The following TIMP3 variants were observed in gnomAD, a reference collection of about 807,000 sequenced individuals.
TIMP3 encodes TIMP metallopeptidase inhibitor 3, also known as metalloproteinase inhibitor 3.
Under a neutral mutation model 30.0 loss-of-function variants are expected in TIMP3, and 11 were observed. The observed-to-expected ratio is 0.37, with a 90% CI of 0.23 to 0.61. TIMP3 has a LOEUF of 0.61. Among genes scored for constraint, TIMP3 ranks in the 20% least tolerant of loss-of-function variants. TIMP3 has a pLI of 0.70. For missense variants in TIMP3, 181 were observed against 276.8 expected (o/e 0.65, Z 2.45); for synonymous variants, 112 against 111.3 (o/e 1.01, Z -0.04).
chr22:32,832,673 G>GTATTTTATTTTATTTTATTT lies in TIMP3; in HGVS notation c.122-16769_122-16750dup, dbSNP rs564439917. ...CAGAGTCTGGTTTGAAAACCCTCGA[G>GTATTTTATTTTATTTTATTT]TATTTTATTTTATTTTATTTTATTT... On this transcript the variant is annotated intron_variant, in intron 1 of 4. Coordinates refer to ENST00000266085, the MANE Select transcript of TIMP3 (RefSeq NM_000362.5). Among the ~76,000 whole-genome samples, 191 of 151,572 alleles carry GTATTTTATTTTATTTTATTT rather than the reference G, an allele frequency of 1.3e-3. 1 individual carries two copies. The highest frequency in any genetic ancestry group is 4.4e-3 in the African/African-American group (183 of 41,248).
chr22:32,825,750 A>T (rs970221314), intron 1 of TIMP3, among the ~76,000 whole-genome samples: 1 of 144,584 alleles, frequency 6.9e-6, no homozygotes, highest in African/African-American at 2.5e-5. Context: ...ATTTGTACAT[A>T]TGTGCATGTA....
At chr22:32,840,863 T>C (rs146855871) in intron 1 of TIMP3, among the ~76,000 whole-genome samples, 19 of 152,314 alleles carry the variant, frequency 1.2e-4, no homozygotes, top group African/African-American at 4.1e-4. Flanking sequence ...TTGAGTGTCA[T>C]TGCTGGTCTC....
chr22:32,826,268 AAAAT>A (rs1327833013), intron 1 of TIMP3, among the ~76,000 whole-genome samples: 1 of 152,126 alleles, frequency 6.6e-6, no homozygotes, highest in Non-Finnish European at 1.5e-5. Flanking sequence ...ATCTCTACTA[AAAAT>A]ACAAAAAATT....
At chr22:32,840,491 G>A (rs1010703194) in intron 1 of TIMP3, among the ~76,000 whole-genome samples, 7 of 152,112 alleles carry the variant, frequency 4.6e-5, no homozygotes, top group Admixed American at 2.6e-4. Context: ...CAGGCTGCTC[G>A]CCGCTCCCCA....
rs1430410901 is a variant in TIMP3 at position 32,807,347 on chromosome 22, AAATATAT to A, written c.121+5241_121+5247del. Among the ~76,000 whole-genome samples, 12 of 34,124 alleles carry A rather than the reference AAATATAT, an allele frequency of 3.5e-4. No individual in the cohort carries two copies. The East Asian group carries it at 7.0e-3, about 20-fold the overall frequency. 22.4% of individuals were successfully genotyped at this position (34,124 alleles called of 152,430 possible). A position where few individuals can be genotyped will look rare whatever the true frequency, so the allele number is the denominator to read the frequency against. On this transcript the variant is annotated intron_variant, in intron 1 of 4. Coordinates refer to ENST00000266085, the MANE Select transcript of TIMP3 (RefSeq NM_000362.5). Reference sequence around the variant, plus strand: ...AATATATAATTTATATATAATATATAAATATATAATATATAATATATATTATATATAA... The same window carrying A: ...AATATATAATTTATATATAATATATAAATATATAATATATATTATATATAA...
In TIMP3 at chr22:32,811,771, T is replaced by TA. The variant is rs569404050; in HGVS notation, c.121+9650dup. On this transcript the variant is annotated intron_variant, in intron 1 of 4. Coordinates refer to ENST00000266085, the MANE Select transcript of TIMP3 (RefSeq NM_000362.5). ...TTCTGTGGCTTAGCCATATAGCCAATACATGGAATGGGATTGGAACCCATG... is the reference window on the plus strand; with the variant it reads ...TTCTGTGGCTTAGCCATATAGCCAATAACATGGAATGGGATTGGAACCCATG... Among the ~76,000 whole-genome samples the TA allele has an allele frequency of 5.7e-3, 870 of 152,268 alleles. 11 individuals are homozygous for TA. The highest frequency in any genetic ancestry group is 0.018 in the African/African-American group (754 of 41,558).
intron 2 of TIMP3, among the ~76,000 whole-genome samples, chr22:32,852,455 A>G (rs977593319): frequency 2.6e-5 from 4 of 152,166 alleles, no homozygotes; most frequent in African/African-American, 9.7e-5. Flanking sequence ...AGGAGGGAAG[A>G]GAGAGAGGCC....
At position 32,836,191 on chromosome 22, in the gene TIMP3, G is replaced by A. The variant is rs187791714; in HGVS notation, c.122-13261G>A. On this transcript the variant is annotated intron_variant, in intron 1 of 4. Transcript: ENST00000266085. The stretch of plus-strand genomic sequence containing the variant: ...TGGGGAATGGTTTTAAGAGTAAGAT[G>A]TACTGTTTGTAAAGTGTGTCTGTCT... 1.8e-4 allele frequency among the ~76,000 whole-genome samples: 28 copies of A among 152,328 alleles called. No individual in the cohort carries two copies. The East Asian group carries it at 4.0e-3, about 22-fold the overall frequency.
chr22:32,834,141 G>A (rs1388596823), intron 1 of TIMP3, among the ~76,000 whole-genome samples: 1 of 151,720 alleles, frequency 6.6e-6, no homozygotes, highest in African/African-American at 2.4e-5. Flanking sequence ...GTGCTTCAGG[G>A]ACTACCTGAG....
rs1401722176 is a variant in TIMP3 at position 32,859,864 on chromosome 22, G to A, written c.*487G>A. ...TTTCAGGATCAGTCAAAGGCAGCAAGCAGATAGACTCAAGGTGTGTGAAAG... is the reference window on the plus strand; with the variant it reads ...TTTCAGGATCAGTCAAAGGCAGCAAACAGATAGACTCAAGGTGTGTGAAAG... On this transcript the variant is annotated 3_prime_UTR_variant, in exon 5 of 5. Transcript: ENST00000266085. 1 of 181,744 alleles carries A rather than the reference G, an allele frequency of 5.5e-6. No individual in the cohort carries two copies. Among genetic ancestry groups the A allele is most frequent in the African/African-American group, 2.4e-5 (1 of 41,746 alleles). 11.3% of individuals were successfully genotyped at this position (181,744 alleles called of 1,614,324 possible).
intron 1 of TIMP3, among the ~76,000 whole-genome samples, chr22:32,822,405 T>C (rs2146071780): frequency 6.6e-6 from 1 of 152,234 alleles, no homozygotes; most frequent in East Asian, 1.9e-4. Context: ...GCACTTCCTA[T>C]CCTCATGGAG....
At chr22:32,842,997 C>A (rs2047957123) in intron 1 of TIMP3, among the ~76,000 whole-genome samples, 1 of 152,118 alleles carries the variant, frequency 6.6e-6, no homozygotes, top group African/African-American at 2.4e-5. Context: ...GTGGGGAATG[C>A]AGTAAAATTA....
intron 1 of TIMP3, among the ~76,000 whole-genome samples, chr22:32,808,524 C>T (rs2046826752): frequency 6.6e-6 from 1 of 152,162 alleles, no homozygotes; most frequent in Non-Finnish European, 1.5e-5. Flanking sequence ...TCAGTGGACT[C>T]TTAGGATAAA....
intron 1 of TIMP3, among the ~76,000 whole-genome samples, chr22:32,832,199 A>G (rs1304311921): frequency 1.6e-4 from 24 of 152,238 alleles, no homozygotes; most frequent in Admixed American, 1.6e-3. Flanking sequence ...TAATGTCTTA[A>G]CTCAAGTTTG....
chr22:32,838,781 T>A (rs1327166391), intron 1 of TIMP3, among the ~76,000 whole-genome samples: 1 of 152,014 alleles, frequency 6.6e-6, no homozygotes, highest in African/African-American at 2.4e-5. Context: ...GTATTACCTT[T>A]GGTTCCCTCC....
intron 1 of TIMP3, among the ~76,000 whole-genome samples, chr22:32,848,316 A>G (rs1282667825): frequency 6.6e-6 from 1 of 152,200 alleles, no homozygotes. Flanking sequence ...GGGAAATTTC[A>G]TAAGATCTTT....
intron 2 of TIMP3, among the ~76,000 whole-genome samples, chr22:32,856,953 C>T (rs2048386387): frequency 6.6e-6 from 1 of 152,196 alleles, no homozygotes; most frequent in African/African-American, 2.4e-5. Flanking sequence ...GCAAAACGAC[C>T]TCCAGTTCCA....
chr22:32,831,854 C>G (rs542949529), intron 1 of TIMP3, among the ~76,000 whole-genome samples: 2 of 152,126 alleles, frequency 1.3e-5, no homozygotes, highest in Admixed American at 6.5e-5. Flanking sequence ...TGCACCCCCC[C>G]CAACCTCCAC....
At chr22:32,833,646 C>G (rs760961541) in intron 1 of TIMP3, among the ~76,000 whole-genome samples, 5 of 152,130 alleles carry the variant, frequency 3.3e-5, no homozygotes, top group African/African-American at 4.8e-5. Flanking sequence ...CAGGTAGGAC[C>G]CAGAGATGAG....
Sources: gnomAD v4.1 joint callset for allele counts (sites outside exome capture counted in the v4.1 genomes callset) on GRCh38, gnomAD v4.1.1 for gene constraint, MANE v1.5 for transcripts, NCBI Gene and HGNC (gene_info 2026-07-23, HGNC 2026-07-21) for gene names.